TTC5: variants seen among roughly 807,000 people sequenced by gnomAD.
TTC5 encodes tetratricopeptide repeat protein 5.
TTC5 carries 46 observed loss-of-function variants against 57.4 expected under a neutral mutation model. The ratio of observed to expected loss-of-function variants is 0.80; its 90% CI spans 0.63 to 1.03. The LOEUF is 1.03. TTC5 is among the 50% of genes least tolerant of loss of function. The probability of loss-of-function intolerance (pLI) is 0.00; values close to 1 mark genes in which losing one functional copy is unlikely to be tolerated. For missense variants in TTC5, 504 were observed against 528.1 expected (o/e 0.95, Z 0.45); for synonymous variants, 190 against 203.5 (o/e 0.93, Z 0.57).
chr14:20,291,904 C>T, intron 9 of TTC5, 79 bp downstream of exon 9: 1 of 1,273,074 alleles, frequency 7.9e-7, no homozygotes, highest in Non-Finnish European at 1.0e-6. Flanking sequence ...ATAATTATTT[C>T]TATATCTTTT....
At chr14:20,297,039 T>C (rs1245493895) in intron 5 of TTC5, among the ~76,000 whole-genome samples, 1 of 152,088 alleles carries the variant, frequency 6.6e-6, no homozygotes, top group Non-Finnish European at 1.5e-5. Flanking sequence ...ATGAAATAGG[T>C]GAAATCATTT....
Position 20,288,401 on chromosome 14 carries a change from A to C in TTC5, c.*1226T>G, listed in dbSNP as rs767739770. The C allele has an allele frequency of 1.3e-5, 2 of 152,292 alleles. No individual in the cohort carries two copies. The highest frequency in any genetic ancestry group is 2.9e-5 in the Non-Finnish European group (2 of 68,086). The allele number at this position is 152,292 out of a possible 1,614,324, so 9.4% of individuals were successfully genotyped here. On this transcript the variant is annotated 3_prime_UTR_variant, in exon 10 of 10. Transcript: ENST00000258821. ...CTTCTCAATTCATCTGTATACATTA[A>C]TGTATTACAGCCATTCAGTTGTTGT...
chr14:20,290,994 A>G (rs1477477379), intron 9 of TTC5, among the ~76,000 whole-genome samples: 1 of 152,180 alleles, frequency 6.6e-6, no homozygotes, highest in African/African-American at 2.4e-5. Context: ...TAATTTTCAC[A>G]TATCACAAAA....
intron 1 of TTC5, among the ~76,000 whole-genome samples, chr14:20,303,490 G>A (rs370632651): frequency 1.3e-5 from 2 of 152,052 alleles, no homozygotes; most frequent in Admixed American, 1.3e-4. Flanking sequence ...ACTTCCCTTC[G>A]AGTGTAATCA....
At position 20,295,540 on chromosome 14, in the gene TTC5, G is replaced by A. The variant is rs764363721; in HGVS notation, c.844-14C>T. ...CTTCACCTTTCCCTGCAAAGAAGGG[G>A]AAATAGGTAAGAAGCTGGAAACTAG... On this transcript the variant is annotated splice_polypyrimidine_tract_variant and intron_variant, in intron 7 of 9. Transcript: ENST00000258821. 27 of 1,604,242 alleles carry A rather than the reference G, an allele frequency of 1.7e-5. 1 individual carries two copies. The South Asian group carries it at 2.9e-4, about 17-fold the overall frequency.
At chr14:20,299,999 C>T (rs974278079) in intron 3 of TTC5, among the ~76,000 whole-genome samples, 4 of 150,148 alleles carry the variant, frequency 2.7e-5, no homozygotes, top group Non-Finnish European at 4.4e-5. Flanking sequence ...CAACCATGCC[C>T]ATCTAATTTT....
chr14:20,297,325 T>C (rs1882086498), intron 5 of TTC5, among the ~76,000 whole-genome samples: 1 of 152,270 alleles, frequency 6.6e-6, no homozygotes, highest in South Asian at 2.1e-4. Flanking sequence ...GTGAAGCAAC[T>C]GCTGGCTATG....
intron 8 of TTC5, chr14:20,294,553 T>C (rs1048517657): frequency 2.0e-5 from 3 of 152,152 alleles, no homozygotes; most frequent in African/African-American, 7.2e-5. Context: ...TAAGTCAGAA[T>C]GTTTTGGAAC....
At chr14:20,291,340 G>A (rs755288170) in intron 9 of TTC5, among the ~76,000 whole-genome samples, 16 of 152,172 alleles carry the variant, frequency 1.1e-4, no homozygotes, top group Non-Finnish European at 1.8e-4. Flanking sequence ...TTTTACGCAT[G>A]AGCCACCATG....
chr14:20,298,204 CAA>C (rs1221042402), intron 5 of TTC5, among the ~76,000 whole-genome samples: 2 of 152,156 alleles, frequency 1.3e-5, no homozygotes, highest in Non-Finnish European at 2.9e-5. Flanking sequence ...AAAAGGCACT[CAA>C]AGTCTGAGGG....
intron 2 of TTC5, 128 bp downstream of exon 2, chr14:20,301,705 G>A: frequency 1.7e-6 from 2 of 1,187,582 alleles, no homozygotes; most frequent in East Asian, 2.4e-5. Context: ...GGGGCCCTGA[G>A]AAGTAGTATT....
chr14:20,300,843 G>A (rs1198910081), intron 2 of TTC5, 25 bp from the exon 3 acceptor site: 1 of 1,559,088 alleles, frequency 6.4e-7, no homozygotes, highest in African/African-American at 1.4e-5. Context: ...AAAAGATAAA[G>A]TGGGAAAAAA....
intron 8 of TTC5, chr14:20,292,758 T>C (rs1199076755): frequency 6.6e-6 from 1 of 152,214 alleles, no homozygotes; most frequent in Non-Finnish European, 1.5e-5. Context: ...GATTGGGCTG[T>C]GGGAGCCCAG....
At chr14:20,304,613 T>C (rs185877352) in intron 1 of TTC5, among the ~76,000 whole-genome samples, 6 of 152,284 alleles carry the variant, frequency 3.9e-5, no homozygotes, top group East Asian at 1.9e-4. Context: ...CACCCCAAGA[T>C]AACGGAAGTA....
rs750116390 is a variant in TTC5, at chr14:20,301,916, T to C, written c.101A>G (p.His34Arg). The change falls in exon 2 of 10, where the codon CAT (histidine) becomes CGT (arginine). Residue 34 changes from histidine to arginine, a missense_variant. Physicochemically the swap from His to Arg is conservative, Grantham distance 29. Transcript: ENST00000258821. ...YSFRDCYFET[H>R]SVEDAGRKQQ... Reference sequence around the variant, plus strand: ...CTTCCTCCCAGCATCCTCAACACTATGTGTCTCGAAATAGCAGTCTCGAAA... The same window carrying C: ...CTTCCTCCCAGCATCCTCAACACTACGTGTCTCGAAATAGCAGTCTCGAAA... 3.7e-6 allele frequency: 6 copies of C among 1,614,114 alleles called. No homozygotes were observed. The highest frequency in any genetic ancestry group is 1.7e-4 in the Middle Eastern group (1 of 6,046).
rs1371327873 is a variant in TTC5 at position 20,287,210 on chromosome 14, A to T, written c.*2417T>A. ...CACCTGGAGGGTTTGCGAAACACAG[A>T]TTGCTGGGCTCCTCCCACATAGTTT... On this transcript the variant is annotated 3_prime_UTR_variant, in exon 10 of 10. Coordinates refer to ENST00000258821, the MANE Select transcript of TTC5 (RefSeq NM_138376.3). The T allele has an allele frequency of 6.6e-6, 1 of 152,212 alleles. No individual in the cohort carries two copies. The highest frequency in any genetic ancestry group is 1.5e-5 in the Non-Finnish European group (1 of 68,048). The allele number at this position is 152,212 out of a possible 1,614,324, so 9.4% of individuals were successfully genotyped here.
At chr14:20,297,469 A>G (rs914680538) in intron 5 of TTC5, among the ~76,000 whole-genome samples, 1 of 152,020 alleles carries the variant, frequency 6.6e-6, no homozygotes, top group Non-Finnish European at 1.5e-5. Context: ...TGGGCGAAAA[A>G]CTTCAGATTA....
rs895524008 is a variant in TTC5, at chr14:20,289,070, A to C, written c.*557T>G. On this transcript the variant is annotated 3_prime_UTR_variant, in exon 10 of 10. Coordinates refer to ENST00000258821, the MANE Select transcript of TTC5 (RefSeq NM_138376.3). ...TGGGGGTATTACTCCAATAAATTGA[A>C]GTGATCCTAAAACAAAGAATACAGG... 1 of 151,792 alleles carries C rather than the reference A, an allele frequency of 6.6e-6. No individual in the cohort carries two copies. The highest frequency in any genetic ancestry group is 2.4e-5 in the African/African-American group (1 of 41,364). 9.4% of individuals were successfully genotyped at this position (151,792 alleles called of 1,614,324 possible). A position where few individuals can be genotyped will look rare whatever the true frequency, so the allele number is the denominator to read the frequency against.
chr14:20,305,560 T>G (rs1332419402), intron 1 of TTC5: 1 of 367,794 alleles, frequency 2.7e-6, no homozygotes, highest in African/African-American at 2.1e-5. Flanking sequence ...CAGTAGTTCA[T>G]GCAGATCTGC....
Sources: allele counts gnomAD v4.1 joint callset (sites outside exome capture counted in the v4.1 genomes callset), GRCh38; gene constraint gnomAD v4.1.1; transcripts MANE v1.5; gene names NCBI Gene and HGNC (gene_info 2026-07-23, HGNC 2026-07-21).